The following COL22A1 variants were observed in gnomAD, a reference collection of about 807,000 sequenced individuals.
The protein encoded by COL22A1 is collagen type XXII alpha 1 chain.
Under a neutral mutation model 248.9 loss-of-function variants are expected in COL22A1, and 221 were observed. The ratio of observed to expected loss-of-function variants is 0.89; its 90% CI spans 0.80 to 0.99. The LOEUF (loss-of-function observed/expected upper bound fraction) is 0.99. Ranked by LOEUF, COL22A1 falls within the 50% of genes least tolerant of loss-of-function variation. The pLI is 0.00. For synonymous variants in COL22A1, 891 were observed against 793.4 expected (o/e 1.12, Z -2.07); for missense variants, 2,240 against 2,179.0 (o/e 1.03, Z -0.56).
chr8:138,737,024 C>A (rs1831166938), intron 23 of COL22A1, among the ~76,000 whole-genome samples: 1 of 152,180 alleles, frequency 6.6e-6, no homozygotes, highest in African/African-American at 2.4e-5. Context: ...CTTCCTACCC[C>A]TGCTGCTCCA....
intron 43 of COL22A1, among the ~76,000 whole-genome samples, chr8:138,660,943 CATAA>C (rs1823847813): frequency 3.3e-5 from 2 of 60,962 alleles, no homozygotes; most frequent in Non-Finnish European, 4.4e-5. Context: ...CAGACACACA[CATAA>C]ACACACAGAC....
chr8:138,775,953 A>G lies in COL22A1; in HGVS notation c.1803+13T>C. The stretch of plus-strand genomic sequence containing the variant: ...GAAAGCCGTATTGATGAATGAGTGC[A>G]GACTATAAATACCTTTTCTCCTCGA... On this transcript the variant is annotated intron_variant, in intron 16 of 64. Coordinates refer to ENST00000303045, the MANE Select transcript of COL22A1 (RefSeq NM_152888.3). 1.9e-6 allele frequency: 3 copies of G among 1,613,644 alleles called. No individual in the cohort carries two copies. In the South Asian group the frequency reaches 3.3e-5, roughly 18 times the overall value.
chr8:138,877,977 T>C lies in COL22A1; in HGVS notation c.431A>G (p.Gln144Arg). Residue 144 changes from glutamine to arginine, a missense_variant, in exon 3 of 65, where the codon CAG becomes CGG. Transcript: ENST00000303045. ...GGRPRDRAYK[Q>R]VAILLTDGRS... ...GCCGTCGGTGAGCAGGATGGCCACC[T>C]GCTTGTAGGCGCGGTCCCTGGGGCG... 8 of 1,590,830 alleles carry C rather than the reference T, an allele frequency of 5.0e-6. No individual in the cohort carries two copies. The highest frequency in any genetic ancestry group is 6.8e-6 in the Non-Finnish European group (8 of 1,168,708).
At chr8:138,639,094 T>C (rs1055200498) in intron 47 of COL22A1, among the ~76,000 whole-genome samples, 2 of 152,210 alleles carry the variant, frequency 1.3e-5, no homozygotes, top group African/African-American at 4.8e-5. Flanking sequence ...CTTGTTTATA[T>C]CTTGAACTGA....
chr8:138,695,276 A>T (rs971842280), intron 32 of COL22A1, among the ~76,000 whole-genome samples: 1 of 152,122 alleles, frequency 6.6e-6, no homozygotes, highest in African/African-American at 2.4e-5. Context: ...TGATGGAAAG[A>T]GTTTTGAGAG....
intron 21 of COL22A1, among the ~76,000 whole-genome samples, chr8:138,753,447 C>T (rs953672440): frequency 6.6e-6 from 1 of 152,190 alleles, no homozygotes; most frequent in Non-Finnish European, 1.5e-5. Context: ...TCTGTCTAGG[C>T]TAGAAGACAT....
intron 45 of COL22A1, among the ~76,000 whole-genome samples, chr8:138,653,359 C>T (rs552853780): frequency 2.0e-5 from 3 of 152,084 alleles, no homozygotes; most frequent in Non-Finnish European, 2.9e-5. Flanking sequence ...TTCTGGCTCA[C>T]GTAAAGATGA....
At chr8:138,894,847 T>C (rs878976701) in intron 1 of COL22A1, among the ~76,000 whole-genome samples, 2 of 152,114 alleles carry the variant, frequency 1.3e-5, no homozygotes, top group Admixed American at 1.3e-4. Flanking sequence ...CCTGTGACTT[T>C]TATGGTAAAG....
At chr8:138,613,075 C>T (rs926465542) in intron 56 of COL22A1, among the ~76,000 whole-genome samples, 1 of 151,566 alleles carries the variant, frequency 6.6e-6, no homozygotes, top group Non-Finnish European at 1.5e-5. Context: ...AGTGAAACCC[C>T]GTCTCTACTA....
intron 30 of COL22A1, among the ~76,000 whole-genome samples, chr8:138,712,788 G>A (rs1041722289): frequency 3.1e-5 from 2 of 63,502 alleles, no homozygotes; most frequent in Non-Finnish European, 7.3e-5. Context: ...TGTTCTATCA[G>A]TAGAGGGTAT....
chr8:138,739,445 A>T (rs1295974030), intron 22 of COL22A1, among the ~76,000 whole-genome samples: 1 of 152,178 alleles, frequency 6.6e-6, no homozygotes, highest in East Asian at 1.9e-4. Flanking sequence ...CAGCCTCACC[A>T]GAATAGCACT....
At chr8:138,787,376 G>A (rs1454493829) in intron 12 of COL22A1, among the ~76,000 whole-genome samples, 1 of 152,188 alleles carries the variant, frequency 6.6e-6, no homozygotes, top group African/African-American at 2.4e-5. Flanking sequence ...TGCAGCCTCT[G>A]TCTCATGTTA....
chr8:138,676,457 G>GAAATAAA, intron 41 of COL22A1, 101 bp downstream of exon 41: 1 of 585,154 alleles, frequency 1.7e-6, no homozygotes, highest in South Asian at 2.7e-5. Flanking sequence ...AAGAAAGAAA[G>GAAATAAA]GAAGAAAGAA....
chr8:138,825,732 C>T (rs1027819557), intron 6 of COL22A1: 2 of 152,150 alleles, frequency 1.3e-5, no homozygotes, highest in African/African-American at 4.8e-5. Context: ...CTTGAGCATG[C>T]TTTTATTTTA....
At chr8:138,618,307 T>C (rs1000615481) in intron 53 of COL22A1, among the ~76,000 whole-genome samples, 1 of 152,222 alleles carries the variant, frequency 6.6e-6, no homozygotes, top group African/African-American at 2.4e-5. Flanking sequence ...CAAAGCTTTG[T>C]CCTGACTTAT....
At chr8:138,612,439 C>G (rs1289261142) in intron 56 of COL22A1, among the ~76,000 whole-genome samples, 1 of 152,132 alleles carries the variant, frequency 6.6e-6, no homozygotes, top group Non-Finnish European at 1.5e-5. Context: ...GATATAACAT[C>G]CAGATATGTA....
At chr8:138,894,129 G>A (rs528010071) in intron 1 of COL22A1, among the ~76,000 whole-genome samples, 62 of 152,320 alleles carry the variant, frequency 4.1e-4, no homozygotes, top group Admixed American at 9.2e-4. Context: ...GGGGAGGAAG[G>A]CATTCAAGTG....
chr8:138,857,165 T>A (rs1242557533), intron 3 of COL22A1, among the ~76,000 whole-genome samples: 3 of 151,998 alleles, frequency 2.0e-5, no homozygotes, highest in African/African-American at 7.2e-5. Flanking sequence ...GCTGACCCCA[T>A]GCCCACCTCC....
intron 47 of COL22A1, among the ~76,000 whole-genome samples, chr8:138,644,774 T>C (rs556441649): frequency 6.6e-6 from 1 of 152,342 alleles, no homozygotes; most frequent in East Asian, 1.9e-4. Flanking sequence ...CTCCTATAGC[T>C]TTTTAAATAT....
Sources: allele counts gnomAD v4.1 joint callset (sites outside exome capture counted in the v4.1 genomes callset), GRCh38; gene constraint gnomAD v4.1.1; transcripts MANE v1.5; gene names NCBI Gene and HGNC (gene_info 2026-07-23, HGNC 2026-07-21).